Variants in ASTN2 observed in about 807,000 individuals in gnomAD.
ASTN2 encodes astrotactin-2.
A neutral mutation model predicts 139.8 loss-of-function variants in ASTN2; 54 were observed. The observed-to-expected ratio is 0.39, with a 90% CI of 0.31 to 0.48. ASTN2 has a LOEUF of 0.48. Ranked by LOEUF, ASTN2 falls within the 20% of genes least tolerant of loss-of-function variation. ASTN2 has a pLI of 0.95. For synonymous variants in ASTN2, 756 were observed against 719.5 expected, an observed-to-expected ratio of 1.05 and a Z score of -0.81; for missense variants, 1,565 against 1,725.1, an observed-to-expected ratio of 0.91 and a Z score of 1.64.
intron 13 of ASTN2, among the ~76,000 whole-genome samples, chr9:116,743,456 C>T (rs576244076): frequency 1.3e-5 from 2 of 152,212 alleles, no homozygotes; most frequent in South Asian, 2.1e-4. Flanking sequence ...GAGGCTGAGG[C>T]TGAGGCAGGA....
intron 19 of ASTN2, among the ~76,000 whole-genome samples, chr9:116,548,250 G>A (rs1401669701): frequency 6.6e-6 from 1 of 152,172 alleles, no homozygotes; most frequent in Non-Finnish European, 1.5e-5. Flanking sequence ...CGTGGCATTT[G>A]CTTAAGGTGA....
chr9:116,718,478 T>C (rs573100495), intron 16 of ASTN2, among the ~76,000 whole-genome samples: 1 of 152,310 alleles, frequency 6.6e-6, no homozygotes, highest in South Asian at 2.1e-4. Flanking sequence ...AAACATCCTA[T>C]AATGGTTAAT....
At chr9:116,426,784 T>C (rs1182796374) in intron 22 of ASTN2, among the ~76,000 whole-genome samples, 1 of 152,096 alleles carries the variant, frequency 6.6e-6, no homozygotes, top group Non-Finnish European at 1.5e-5. Flanking sequence ...ATCAGAACTT[T>C]TCTGTGTCTC....
intron 19 of ASTN2, among the ~76,000 whole-genome samples, chr9:116,531,700 CT>C (rs1182069437): frequency 1.5e-4 from 23 of 152,194 alleles, no homozygotes; most frequent in African/African-American, 4.3e-4. Context: ...TGAACTCATC[CT>C]TTTTTATGGC....
intron 1 of ASTN2, among the ~76,000 whole-genome samples, chr9:117,340,088 C>T (rs142102397): frequency 2.7e-4 from 41 of 151,934 alleles, no homozygotes; most frequent in African/African-American, 8.9e-4. Context: ...CCACACACAC[C>T]TCTTCATGTC....
chr9:116,841,009 T>G (rs924877196), intron 11 of ASTN2, among the ~76,000 whole-genome samples: 1 of 151,312 alleles, frequency 6.6e-6, no homozygotes, highest in African/African-American at 2.4e-5. Flanking sequence ...CTCGGCACTT[T>G]GGGAGGCCAA....
At chr9:116,998,833 A>G (rs964138271) in intron 7 of ASTN2, among the ~76,000 whole-genome samples, 7 of 152,190 alleles carry the variant, frequency 4.6e-5, no homozygotes, top group Admixed American at 2.6e-4. Flanking sequence ...AGAAAGCCCT[A>G]AAGATACCAC....
chr9:117,036,788 A>G (rs1274674282), intron 6 of ASTN2, among the ~76,000 whole-genome samples: 1 of 152,140 alleles, frequency 6.6e-6, no homozygotes, highest in Non-Finnish European at 1.5e-5. Flanking sequence ...CTGCTGATAG[A>G]TACGGGTGCT....
chr9:116,978,495 G>GCACA (rs5900243), intron 7 of ASTN2, among the ~76,000 whole-genome samples: 3,751 of 127,620 alleles, frequency 0.029, 155 homozygotes, highest in African/African-American at 0.095. Flanking sequence ...TCTCTCTCAC[G>GCACA]CACACACACA....
intron 19 of ASTN2, among the ~76,000 whole-genome samples, chr9:116,491,122 A>G (rs1034059070): frequency 2.6e-5 from 4 of 152,234 alleles, no homozygotes; most frequent in Admixed American, 2.0e-4. Context: ...TATATGCAGT[A>G]TAACTAGTCA....
chr9:116,869,056 G>A (rs1833087426), intron 10 of ASTN2, among the ~76,000 whole-genome samples: 1 of 152,032 alleles, frequency 6.6e-6, no homozygotes, highest in South Asian at 2.1e-4. Flanking sequence ...GTGGTGGTGG[G>A]TGCCTGTAAT....
intron 10 of ASTN2, among the ~76,000 whole-genome samples, chr9:116,956,247 C>T (rs1480962064): frequency 1.3e-5 from 2 of 150,504 alleles, no homozygotes; most frequent in Non-Finnish European, 3.0e-5. Context: ...AGGCATGTGC[C>T]ACCACGTCTG....
intron 10 of ASTN2, among the ~76,000 whole-genome samples, chr9:116,887,842 A>AT (rs376675149): frequency 1.1e-4 from 16 of 151,418 alleles, no homozygotes; most frequent in Non-Finnish European, 1.9e-4. Context: ...TAAGTTTTAT[A>AT]TTTTTTTTAG....
At chr9:117,230,670 A>T in intron 2 of ASTN2, among the ~76,000 whole-genome samples, 1 of 152,188 alleles carries the variant, frequency 6.6e-6, no homozygotes, top group South Asian at 2.1e-4. Flanking sequence ...ACCCATAGTA[A>T]GTGAACCAAA....
chr9:116,615,975 C>A (rs1236833184), intron 19 of ASTN2, among the ~76,000 whole-genome samples: 2 of 152,140 alleles, frequency 1.3e-5, no homozygotes, highest in African/African-American at 4.8e-5. Flanking sequence ...TGGTGAAAGA[C>A]TAAATGCCTG....
chr9:116,724,965 A>G (rs1465523525), intron 16 of ASTN2, among the ~76,000 whole-genome samples: 1 of 152,196 alleles, frequency 6.6e-6, no homozygotes, highest in East Asian at 1.9e-4. Flanking sequence ...GGCATATCTG[A>G]GACTCATTTT....
intron 19 of ASTN2, among the ~76,000 whole-genome samples, chr9:116,529,452 T>G (rs149014631): frequency 0.011 from 1,731 of 152,288 alleles, 45 homozygotes; most frequent in African/African-American, 0.04. Context: ...GCTTTTGATT[T>G]TACAGGCTCA....
intron 3 of ASTN2, among the ~76,000 whole-genome samples, chr9:117,189,127 A>T (rs962639324): frequency 6.6e-6 from 1 of 152,194 alleles, no homozygotes; most frequent in African/African-American, 2.4e-5. Flanking sequence ...GACACAAAAA[A>T]GGTGAGGATT....
intron 16 of ASTN2, among the ~76,000 whole-genome samples, chr9:116,707,950 A>G (rs1174683910): frequency 6.6e-6 from 1 of 152,202 alleles, no homozygotes; most frequent in East Asian, 1.9e-4. Flanking sequence ...CCATAGCCAT[A>G]GCACCCATTA....
Sources: gnomAD v4.1 joint callset for allele counts (sites outside exome capture counted in the v4.1 genomes callset) on GRCh38, gnomAD v4.1.1 for gene constraint, MANE v1.5 for transcripts, NCBI Gene and HGNC (gene_info 2026-07-23, HGNC 2026-07-21) for gene names.